The following SLC2A4RG variants were observed in gnomAD, a reference collection of about 807,000 sequenced individuals.
SLC2A4RG encodes the protein GLUT4 enhancer factor.
Under a neutral mutation model 35.5 loss-of-function variants are expected in SLC2A4RG, and 23 were observed. The observed-to-expected ratio is 0.65, with a 90% CI of 0.47 to 0.92. The LOEUF is 0.92. SLC2A4RG is among the 40% of genes least tolerant of loss of function. The pLI, the probability that SLC2A4RG is intolerant of heterozygous loss-of-function variation, is 0.00. For missense variants in SLC2A4RG, 539 were observed against 525.0 expected, an observed-to-expected ratio of 1.03 and a Z score of -0.26; for synonymous variants, 306 against 243.7, an observed-to-expected ratio of 1.26 and a Z score of -2.38.
chr20:63,742,795 G>C lies in SLC2A4RG; in HGVS notation c.1052+5G>C. On this transcript the variant is annotated splice_donor_5th_base_variant and intron_variant, in intron 7 of 7. Transcript: ENST00000266077. ...CAGGATCGGAGTCACCCTGAGGTGC[G>C]TGTGGGCTGAGGGCCTGCGGCTGGC... 6.3e-7 allele frequency: 1 copy of C among 1,579,062 alleles called. No individual in the cohort carries two copies. The highest frequency in any genetic ancestry group is 1.7e-4 in the Middle Eastern group (1 of 5,982).
At position 63,741,939 on chromosome 20, in the gene SLC2A4RG, T is replaced by C; in HGVS notation, c.462T>C (p.Ser154=). ...PPGSYSSSSN[S]GDWGWDLASD... ...GCAGCTACAGCAGCAGCAGCAACAG[T>C]GGAGACTGGGGATGGGACCTGGCCA... Residue 154 remains serine (S), a synonymous_variant, in exon 4 of 8, where the codon AGT becomes AGC. Coordinates refer to ENST00000266077, the MANE Select transcript of SLC2A4RG (RefSeq NM_020062.4). 6.2e-7 allele frequency: 1 copy of C among 1,612,484 alleles called. No homozygotes were observed. Among genetic ancestry groups the C allele is most frequent in the Non-Finnish European group, 8.5e-7 (1 of 1,179,708 alleles).
At position 63,742,071 on chromosome 20, in the gene SLC2A4RG, G is replaced by A. The variant is rs749601611; in HGVS notation, c.579+15G>A. The A allele has an allele frequency of 6.3e-5, 102 of 1,611,146 alleles. 1 individual carries two copies. Among genetic ancestry groups the A allele is most frequent in the East Asian group, 1.3e-4 (6 of 44,830 alleles). On this transcript the variant is annotated intron_variant, in intron 4 of 7. Transcript: ENST00000266077. Reference sequence around the variant, plus strand: ...GAAAAAGGAAGGTGAGCTTGGGGGCGGCCCCCAGGGAGGGGCGGGTGTGGC... The same window carrying A: ...GAAAAAGGAAGGTGAGCTTGGGGGCAGCCCCCAGGGAGGGGCGGGTGTGGC...
chr20:63,741,356 C>G lies in SLC2A4RG; in HGVS notation c.282-14C>G, dbSNP rs748889392. 1 of 1,611,202 alleles carries G rather than the reference C, an allele frequency of 6.2e-7. No individual in the cohort carries two copies. Among genetic ancestry groups the G allele is most frequent in the Non-Finnish European group, 8.5e-7 (1 of 1,179,338 alleles). On this transcript the variant is annotated splice_polypyrimidine_tract_variant and intron_variant, in intron 2 of 7. Transcript: ENST00000266077. ...CTGGCTGGGTCACCCGCACCCCGCC[C>G]CCATCTCCTCCAGAGCCACCCCAGG...
Position 63,743,042 on chromosome 20 carries a change from C to T in SLC2A4RG, c.*52C>T, listed in dbSNP as rs747283000. ...ACCACCTTCTCCCTCCCCACCCCCT[C>T]CAGGCCCGGGGCTGAAACAGCCCGA... On this transcript the variant is annotated 3_prime_UTR_variant, in exon 8 of 8. Coordinates refer to ENST00000266077, the MANE Select transcript of SLC2A4RG (RefSeq NM_020062.4). 6.9e-6 allele frequency: 10 copies of T among 1,454,334 alleles called. No individual in the cohort carries two copies. The East Asian group carries it at 9.8e-5, about 14-fold the overall frequency. The allele number at this position is 1,454,334 out of a possible 1,614,324, so 90.1% of individuals were successfully genotyped here.
chr20:63,741,762 C>T (rs1176327984), intron 3 of SLC2A4RG, 107 bp from the exon 4 acceptor site: 9 of 1,444,366 alleles, frequency 6.2e-6, no homozygotes, highest in South Asian at 4.4e-5. Context: ...TCCTCCAAGA[C>T]GCTCTGCCCA....
chr20:63,742,867 C>A lies in SLC2A4RG; in HGVS notation c.1053-12C>A. Reference sequence around the variant, plus strand: ...TCTCACAGCACCCCATGTCCTGTGACCCCCCGCACAGGAAGCCCCGCGGCG... The same window carrying A: ...TCTCACAGCACCCCATGTCCTGTGAACCCCCGCACAGGAAGCCCCGCGGCG... On this transcript the variant is annotated splice_polypyrimidine_tract_variant and intron_variant, in intron 7 of 7. Coordinates refer to ENST00000266077, the MANE Select transcript of SLC2A4RG (RefSeq NM_020062.4). 4.4e-6 allele frequency: 7 copies of A among 1,607,902 alleles called. No individual in the cohort carries two copies. Among genetic ancestry groups the A allele is most frequent in the South Asian group, 1.1e-5 (1 of 90,424 alleles).
chr20:63,740,226 G>A (rs1366171594), intron 1 of SLC2A4RG, 151 bp from the exon 2 acceptor site: 5 of 465,412 alleles, frequency 1.1e-5, no homozygotes, highest in South Asian at 9.4e-5. Context: ...GCCGCGCCGG[G>A]CTGGGGGCGG....
chr20:63,741,953 G>A lies in SLC2A4RG; in HGVS notation c.476G>A (p.Trp159Ter). 6.2e-7 allele frequency: 1 copy of A among 1,612,844 alleles called. No individual in the cohort carries two copies. The highest frequency in any genetic ancestry group is 8.5e-7 in the Non-Finnish European group (1 of 1,179,794). ...AGCAGCAACAGTGGAGACTGGGGAT[G>A]GGACCTGGCCAGTGACCAGTCCTCT... ...SSSSNSGDWG[W>*]DLASDQSSPS... Residue 159 changes from tryptophan (W) to a stop codon, truncating the protein, a stop_gained, in exon 4 of 8, where the codon TGG (tryptophan) becomes TAG (stop). Transcript: ENST00000266077. LOFTEE classifies it high-confidence loss of function.
intron 2 of SLC2A4RG, among the ~76,000 whole-genome samples, chr20:63,741,007 G>A (rs577691459): frequency 1.3e-5 from 2 of 152,320 alleles, no homozygotes; most frequent in South Asian, 4.1e-4. Context: ...CCTGGCGTGA[G>A]GCCCACAGCT....
At chr20:63,740,140 G>A (rs1568811050) in intron 1 of SLC2A4RG, 102 bp downstream of exon 1, 1 of 579,030 alleles carries the variant, frequency 1.7e-6, no homozygotes, top group Non-Finnish European at 2.2e-6. Context: ...GGGGCAGCGG[G>A]GAGGGCGGCC....
rs2092057379 is a variant in SLC2A4RG, at chr20:63,743,587, A to AGAGGGCC, written c.*603_*609dup. 1 of 152,474 alleles carries AGAGGGCC rather than the reference A, an allele frequency of 6.6e-6. No individual in the cohort carries two copies. The highest frequency in any genetic ancestry group is 6.5e-5 in the Admixed American group (1 of 15,284). 9.4% of individuals were successfully genotyped at this position (152,474 alleles called of 1,614,324 possible). A position where few individuals can be genotyped will look rare whatever the true frequency, so the allele number is the denominator to read the frequency against. The stretch of plus-strand genomic sequence containing the variant: ...TGGGTGGAGTCTGGCAGCTGCCCAC[A>AGAGGGCC]GAGGGCCGAGGGTCACCCGTCGGCC... On this transcript the variant is annotated 3_prime_UTR_variant, in exon 8 of 8. Transcript: ENST00000266077.
chr20:63,742,683 C>A lies in SLC2A4RG; in HGVS notation c.961-16C>A. 6.3e-7 allele frequency: 1 copy of A among 1,595,320 alleles called. No homozygotes were observed. ...TCTCTGGAGGGGAGTGAAGCCCTGG[C>A]TGTGTCTCCCTGTAGGGCTGCCTGA... On this transcript the variant is annotated splice_polypyrimidine_tract_variant and intron_variant, in intron 6 of 7. Coordinates refer to ENST00000266077, the MANE Select transcript of SLC2A4RG (RefSeq NM_020062.4).
At chr20:63,741,791 G>T in intron 3 of SLC2A4RG, 78 bp from the exon 4 acceptor site, 1 of 1,468,216 alleles carries the variant, frequency 6.8e-7, no homozygotes, top group Non-Finnish European at 9.0e-7. Flanking sequence ...ACCGGACTTG[G>T]TGAACAGGGG....
At chr20:63,741,319 G>C (rs749152899) in intron 2 of SLC2A4RG, 51 bp from the exon 3 acceptor site, 30 of 1,554,744 alleles carry the variant, frequency 1.9e-5, no homozygotes, top group Non-Finnish European at 2.6e-5. Flanking sequence ...ACCAGGGGAG[G>C]GGCCCAGAGC....
Position 63,739,997 on chromosome 20 carries a change from G to T in SLC2A4RG, c.85G>T (p.Gly29Trp). ...EAPWLRAEGPGPRAAPVTVPT... is the reference protein window; with the variant it reads ...EAPWLRAEGPWPRAAPVTVPT... ...GCCGTGGCTGCGCGCGGAGGGTCCGGGGCCGCGCGCCGCGCCCGTGACGGT... is the reference window on the plus strand; with the variant it reads ...GCCGTGGCTGCGCGCGGAGGGTCCGTGGCCGCGCGCCGCGCCCGTGACGGT... The change falls in exon 1 of 8, where the codon GGG becomes TGG. Residue 29 changes from glycine to tryptophan, a missense_variant. Physicochemically the swap from Gly to Trp is radical, Grantham distance 184. Transcript: ENST00000266077. 1 of 980,836 alleles carries T rather than the reference G, an allele frequency of 1.0e-6. No homozygotes were observed. Among genetic ancestry groups the T allele is most frequent in the South Asian group, 4.6e-5 (1 of 21,882 alleles). The allele number at this position is 980,836 out of a possible 1,614,324, so 60.8% of individuals were successfully genotyped here.
At position 63,742,737 on chromosome 20, in the gene SLC2A4RG, G is replaced by T; in HGVS notation, c.999G>T (p.Thr333=). 6.3e-7 allele frequency: 1 copy of T among 1,596,874 alleles called. No homozygotes were observed. The highest frequency in any genetic ancestry group is 8.5e-7 in the Non-Finnish European group (1 of 1,173,022). ...CCGCCCGCCTGGAGCCGCAGCCCACGGAGGTCGGAGCCTGCCCACCCGCCT... is the reference window on the plus strand; with the variant it reads ...CCGCCCGCCTGGAGCCGCAGCCCACTGAGGTCGGAGCCTGCCCACCCGCCT... ...LTPARLEPQP[T]EVGACPPALS... The change falls in exon 7 of 8, where the codon ACG becomes ACT. Residue 333 remains threonine (T), a synonymous_variant. Transcript: ENST00000266077.
At chr20:63,740,139 G>A in intron 1 of SLC2A4RG, 101 bp downstream of exon 1, 1 of 585,244 alleles carries the variant, frequency 1.7e-6, no homozygotes, top group Non-Finnish European at 2.1e-6. Context: ...CGGGGCAGCG[G>A]GGAGGGCGGC....
chr20:63,742,465 G>A lies in SLC2A4RG; in HGVS notation c.810G>A (p.Pro270=), dbSNP rs201680132. 2.2e-5 allele frequency: 35 copies of A among 1,593,440 alleles called. No individual in the cohort carries two copies. In the East Asian group the frequency reaches 3.4e-4, roughly 15 times the overall value. ...LTPVSPTASM[P]PAFPRLELPE... ...CAGTGTCCCCCACGGCCTCCATGCC[G>A]CCTGCCTTCCCCCGCCTGGAGCTGC... The change falls in exon 6 of 8, where the codon CCG becomes CCA. Residue 270 remains proline, a synonymous_variant. Transcript: ENST00000266077.
Position 63,742,516 on chromosome 20 carries a change from G to A in SLC2A4RG, c.861G>A (p.Leu287=). ...ELPELLEPPA[L]PSPLRPPAPP... Reference sequence around the variant, plus strand: ...CAGAGCTGCTGGAGCCCCCAGCCCTGCCTAGTCCCCTGCGGCCGCCTGCCC... The same window carrying A: ...CAGAGCTGCTGGAGCCCCCAGCCCTACCTAGTCCCCTGCGGCCGCCTGCCC... Residue 287 remains leucine, a synonymous_variant, in exon 6 of 8, where the codon CTG becomes CTA. Coordinates refer to ENST00000266077, the MANE Select transcript of SLC2A4RG (RefSeq NM_020062.4). 1 of 1,564,996 alleles carries A rather than the reference G, an allele frequency of 6.4e-7. No homozygotes were observed. The highest frequency in any genetic ancestry group is 8.7e-7 in the Non-Finnish European group (1 of 1,155,508).
Sources: gnomAD v4.1 joint callset for allele counts (sites outside exome capture counted in the v4.1 genomes callset) on GRCh38, gnomAD v4.1.1 for gene constraint, MANE v1.5 for transcripts, NCBI Gene and HGNC (gene_info 2026-07-23, HGNC 2026-07-21) for gene names.